ATP11C: variants seen among roughly 807,000 people sequenced by gnomAD.
ATP11C encodes the protein phospholipid-transporting ATPase IG.
ATP11C carries 36 observed loss-of-function variants against 97.4 expected under a neutral mutation model. The observed-to-expected ratio is 0.37, with a 90% CI of 0.28 to 0.49. The LOEUF (loss-of-function observed/expected upper bound fraction) is 0.49. Ranked by LOEUF, ATP11C falls within the 20% of genes least tolerant of loss-of-function variation. The probability of loss-of-function intolerance (pLI) is 0.98; values close to 1 mark genes in which losing one functional copy is unlikely to be tolerated. For synonymous variants in ATP11C, 275 were observed against 290.9 expected, an observed-to-expected ratio of 0.95 and a Z score of 0.56; for missense variants, 730 against 824.6, an observed-to-expected ratio of 0.89 and a Z score of 1.40.
At chrX:139,887,696 G>A (rs2084665382) in intron 1 of ATP11C, among the ~76,000 whole-genome samples, 1 of 109,704 alleles carries the variant, frequency 9.1e-6, no homozygotes, top group South Asian at 4.0e-4. Context: ...TGGGCTGGGG[G>A]TGGTGGCTCA....
At chrX:139,781,533 C>T (rs1159310080) in intron 18 of ATP11C, among the ~76,000 whole-genome samples, 3 of 110,909 alleles carry the variant, frequency 2.7e-5, no homozygotes, top group East Asian at 2.8e-4. Flanking sequence ...GCCAACATGG[C>T]GAAACCCCGC....
At chrX:139,919,442 TAA>T (rs1319065009) in intron 1 of ATP11C, among the ~76,000 whole-genome samples, 4 of 49,441 alleles carry the variant, frequency 8.1e-5, no homozygotes, top group Non-Finnish European at 1.4e-4. Context: ...CACTCAAACT[TAA>T]ACACACACAC....
chrX:139,912,352 G>A lies in ATP11C; in HGVS notation c.27+19664C>T, dbSNP rs780783691. ...AAGGCTAATGGTTACACGGTGGTGGGAAGGCAAGGAGAGGAGATAGGGAAG... is the reference window on the plus strand; with the variant it reads ...AAGGCTAATGGTTACACGGTGGTGGAAAGGCAAGGAGAGGAGATAGGGAAG... On this transcript the variant is annotated intron_variant, in intron 1 of 29. Coordinates refer to ENST00000682941, the MANE Select transcript of ATP11C (RefSeq NM_001353812.2). Among the ~76,000 whole-genome samples the A allele has an allele frequency of 4.5e-5, 5 of 110,714 alleles. No individual in the cohort carries two copies. The South Asian group carries it at 1.9e-3, about 42-fold the overall frequency.
At chrX:139,898,103 T>G (rs951675044) in intron 1 of ATP11C, among the ~76,000 whole-genome samples, 1 of 111,491 alleles carries the variant, frequency 9.0e-6, no homozygotes, top group Non-Finnish European at 1.9e-5. Flanking sequence ...TTGCTCCTTT[T>G]GAATATGATG....
chrX:139,804,703 G>A lies in ATP11C; in HGVS notation c.427-104C>T, dbSNP rs978286577. 24 of 591,456 alleles carry A rather than the reference G, an allele frequency of 4.1e-5. No individual in the cohort carries two copies. The African/African-American group carries it at 5.6e-4, about 14-fold the overall frequency. 48.7% of individuals were successfully genotyped at this position (591,456 alleles called of 1,213,427 possible). Reference sequence around the variant, plus strand: ...AGCAAGAGATTATCTCTAGCTCTGGGGCTTTGAGAGTATCTCAGCATCCTA... The same window carrying A: ...AGCAAGAGATTATCTCTAGCTCTGGAGCTTTGAGAGTATCTCAGCATCCTA... On this transcript the variant is annotated intron_variant, in intron 5 of 29. Coordinates refer to ENST00000682941, the MANE Select transcript of ATP11C (RefSeq NM_001353812.2).
chrX:139,819,321 G>GTT lies in ATP11C; in HGVS notation c.237+15_237+16dup. On this transcript the variant is annotated intron_variant, in intron 3 of 29. Coordinates refer to ENST00000682941, the MANE Select transcript of ATP11C (RefSeq NM_001353812.2). ...TCAAGTTTCTAAAAGTTAAGTGGCT[G>GTT]TTTAAGGAGCTCTTACCTGTACAAG... 1 of 885,232 alleles carries GTT rather than the reference G, an allele frequency of 1.1e-6. No homozygotes were observed. The allele number at this position is 885,232 out of a possible 1,213,427, so 73.0% of individuals were successfully genotyped here.
At chrX:139,774,469 G>A (rs185284722) in intron 19 of ATP11C, among the ~76,000 whole-genome samples, 15 of 111,991 alleles carry the variant, frequency 1.3e-4, no homozygotes, top group African/African-American at 2.3e-4. Context: ...TAAACCTTCC[G>A]AAATGTGCAG....
chrX:139,821,959 G>A (rs1315574856), intron 2 of ATP11C, among the ~76,000 whole-genome samples: 1 of 112,124 alleles, frequency 8.9e-6, no homozygotes, highest in African/African-American at 3.2e-5. Flanking sequence ...AACTAAAAGT[G>A]AAATTGAGTT....
At chrX:139,878,146 T>G (rs189637236) in intron 1 of ATP11C, among the ~76,000 whole-genome samples, 1 of 112,559 alleles carries the variant, frequency 8.9e-6, no homozygotes, top group Non-Finnish European at 1.9e-5. Context: ...TTTAACTCAT[T>G]TAACTTCTCT....
At chrX:139,934,360 T>C (rs985846364), upstream of ATP11C, among the ~76,000 whole-genome samples, 1 of 110,995 alleles carries the variant, frequency 9.0e-6, no homozygotes, top group African/African-American at 3.3e-5. Flanking sequence ...CCGTTTTCAA[T>C]TCTTCCCCTC....
intron 1 of ATP11C, among the ~76,000 whole-genome samples, chrX:139,841,811 C>T (rs1228148712): frequency 8.9e-6 from 1 of 112,449 alleles, no homozygotes; most frequent in Admixed American, 9.4e-5. Context: ...TATATACACA[C>T]TCCATCTTGC....
chrX:139,801,977 A>G (rs1261475455), intron 7 of ATP11C, among the ~76,000 whole-genome samples: 1 of 111,904 alleles, frequency 8.9e-6, no homozygotes, highest in Non-Finnish European at 1.9e-5. Flanking sequence ...AACATAATCT[A>G]AAATTTTGAT....
intron 8 of ATP11C, among the ~76,000 whole-genome samples, chrX:139,799,606 C>T (rs955733981): frequency 9.3e-5 from 10 of 107,604 alleles, no homozygotes; most frequent in Non-Finnish European, 1.2e-4. Context: ...CACAACTCTA[C>T]CAATCACAAG....
At chrX:139,922,138 G>C (rs1245659270) in intron 1 of ATP11C, among the ~76,000 whole-genome samples, 1 of 103,242 alleles carries the variant, frequency 9.7e-6, no homozygotes, top group Admixed American at 1.1e-4. Context: ...CCAGGAGGCA[G>C]AGGTTGCAGT....
chrX:139,765,408 C>T (rs1213482431), intron 20 of ATP11C, among the ~76,000 whole-genome samples: 1 of 111,442 alleles, frequency 9.0e-6, no homozygotes, highest in Non-Finnish European at 1.9e-5. Flanking sequence ...AGCAGATTAA[C>T]AATACAAGGT....
chrX:139,884,601 G>A (rs1226576910), intron 1 of ATP11C, among the ~76,000 whole-genome samples: 1 of 112,052 alleles, frequency 8.9e-6, no homozygotes. Context: ...GGGATTACAA[G>A]CGTGAGTCAC....
At chrX:139,768,521 G>A (rs911910708) in intron 19 of ATP11C, 87 bp from the exon 20 acceptor site, 1 of 672,549 alleles carries the variant, frequency 1.5e-6, no homozygotes, top group African/African-American at 2.2e-5. Context: ...CAAAGGGGGT[G>A]GTCTCAGATA....
intron 1 of ATP11C, among the ~76,000 whole-genome samples, chrX:139,864,291 T>C (rs2084249437): frequency 8.9e-6 from 1 of 111,838 alleles, no homozygotes; most frequent in Admixed American, 9.6e-5. Context: ...TTTAACTTCT[T>C]ACAAATGGAA....
intron 1 of ATP11C, among the ~76,000 whole-genome samples, chrX:139,916,441 A>C (rs1751388144): frequency 9.0e-6 from 1 of 111,425 alleles, no homozygotes; most frequent in African/African-American, 3.3e-5. Flanking sequence ...ACCTTCATGG[A>C]GCATACTATA....
Sources: gnomAD v4.1 joint callset for allele counts (sites outside exome capture counted in the v4.1 genomes callset) on GRCh38, gnomAD v4.1.1 for gene constraint, MANE v1.5 for transcripts, NCBI Gene and HGNC (gene_info 2026-07-23, HGNC 2026-07-21) for gene names.